Variants in GALNTL6 observed in about 807,000 individuals in gnomAD.
GALNTL6 encodes the protein polypeptide N-acetylgalactosaminyltransferase-like 6.
A neutral mutation model predicts 73.7 loss-of-function variants in GALNTL6; 46 were observed. The ratio of observed to expected loss-of-function variants is 0.62; its 90% confidence interval spans 0.49 to 0.80. The LOEUF is 0.80. Ranked by LOEUF, GALNTL6 falls within the 30% of genes least tolerant of loss-of-function variation. GALNTL6 has a pLI of 0.00. For missense variants in GALNTL6, 604 were observed against 755.0 expected (o/e 0.80, Z 2.34); for synonymous variants, 259 against 263.7 (o/e 0.98, Z 0.17).
intron 2 of GALNTL6, among the ~76,000 whole-genome samples, chr4:171,971,053 A>T (rs1252029565): frequency 6.6e-6 from 1 of 152,230 alleles, no homozygotes; most frequent in Non-Finnish European, 1.5e-5. Context: ...CATGGAGGAG[A>T]TGGCAATGTC....
intron 2 of GALNTL6, among the ~76,000 whole-genome samples, chr4:171,982,803 T>G (rs1739945092): frequency 6.6e-6 from 1 of 152,198 alleles, no homozygotes; most frequent in Non-Finnish European, 1.5e-5. Context: ...TCTTAGGACC[T>G]CATACTCACT....
chr4:172,045,487 A>AT (rs1040324526), intron 2 of GALNTL6, among the ~76,000 whole-genome samples: 7 of 152,010 alleles, frequency 4.6e-5, no homozygotes, highest in Admixed American at 6.6e-5. Flanking sequence ...ACATTTTGAG[A>AT]TTTTTTTAAA....
chr4:172,960,179 C>A (rs966002153), intron 10 of GALNTL6, among the ~76,000 whole-genome samples: 1 of 152,152 alleles, frequency 6.6e-6, no homozygotes, highest in African/African-American at 2.4e-5. Context: ...GGGTTGCTGC[C>A]AAACAAGCCA....
At chr4:172,565,397 C>T (rs1267857543) in intron 5 of GALNTL6, among the ~76,000 whole-genome samples, 2 of 152,126 alleles carry the variant, frequency 1.3e-5, no homozygotes, top group African/African-American at 2.4e-5. Context: ...TGATGTATCA[C>T]ATTACTCGAT....
At chr4:172,109,795 A>G (rs1449737321) in intron 2 of GALNTL6, among the ~76,000 whole-genome samples, 1 of 152,250 alleles carries the variant, frequency 6.6e-6, no homozygotes, top group African/African-American at 2.4e-5. Flanking sequence ...GGCCCAGCAC[A>G]AAAGGCCTCT....
chr4:172,072,319 T>C (rs763150272), intron 2 of GALNTL6, among the ~76,000 whole-genome samples: 1 of 152,182 alleles, frequency 6.6e-6, no homozygotes, highest in Non-Finnish European at 1.5e-5. Context: ...AAATTTTTAG[T>C]GACTAAGGTT....
intron 5 of GALNTL6, among the ~76,000 whole-genome samples, chr4:172,788,950 G>GA (rs1018106620): frequency 2.0e-5 from 3 of 152,078 alleles, no homozygotes; most frequent in Non-Finnish European, 4.4e-5. Flanking sequence ...ACACTGTATT[G>GA]AAAAAAATTA....
At chr4:172,086,434 A>G (rs1399059572) in intron 2 of GALNTL6, among the ~76,000 whole-genome samples, 1 of 152,110 alleles carries the variant, frequency 6.6e-6, no homozygotes, top group Non-Finnish European at 1.5e-5. Flanking sequence ...TTTGTTGTAT[A>G]TATATAATTA....
intron 3 of GALNTL6, among the ~76,000 whole-genome samples, chr4:172,299,875 C>A (rs1250575892): frequency 6.6e-6 from 1 of 152,160 alleles, no homozygotes; most frequent in Non-Finnish European, 1.5e-5. Context: ...CTGTAGATGT[C>A]TATTAGGTCC....
chr4:171,988,841 T>C (rs146756106), intron 2 of GALNTL6, among the ~76,000 whole-genome samples: 15,546 of 151,864 alleles, frequency 0.1, 921 homozygotes, highest in African/African-American at 0.16. Flanking sequence ...GATCGGTCGC[T>C]AAGGAGGGAG....
At position 171,932,188 on chromosome 4, in the gene GALNTL6, T is replaced by A. The variant is rs547189395; in HGVS notation, c.138+117470T>A. Among the ~76,000 whole-genome samples, 3 of 152,282 alleles carry A rather than the reference T, an allele frequency of 2.0e-5. No homozygotes were observed. In the East Asian group the frequency reaches 5.8e-4, roughly 29 times the overall value. On this transcript the variant is annotated intron_variant, in intron 2 of 12. Coordinates refer to ENST00000506823, the MANE Select transcript of GALNTL6 (RefSeq NM_001034845.3). Reference sequence around the variant, plus strand: ...TGTGAAAACTATAACTGCTTTCCAATAGCATAAATAGCATACACTCATACT... The same window carrying A: ...TGTGAAAACTATAACTGCTTTCCAAAAGCATAAATAGCATACACTCATACT...
Position 172,381,818 on chromosome 4 carries a change from T to C in GALNTL6, c.553+33129T>C, listed in dbSNP as rs542904534. On this transcript the variant is annotated intron_variant, in intron 5 of 12. Coordinates refer to ENST00000506823, the MANE Select transcript of GALNTL6 (RefSeq NM_001034845.3). ...TTAGGAGTCAAATTGCTGCAGTGTA[T>C]GGTATGAAGAAAATCATTTTATTTA... 8.6e-4 allele frequency among the ~76,000 whole-genome samples: 131 copies of C among 152,312 alleles called. 2 individuals carry two copies. Among genetic ancestry groups the C allele is most frequent in the African/African-American group, 3.1e-3 (128 of 41,580 alleles).
intron 2 of GALNTL6, among the ~76,000 whole-genome samples, chr4:172,011,935 C>T (rs1328508819): frequency 6.6e-6 from 1 of 151,968 alleles, no homozygotes; most frequent in African/African-American, 2.4e-5. Context: ...GACATATGCT[C>T]ATTTAATGGT....
intron 2 of GALNTL6, among the ~76,000 whole-genome samples, chr4:172,000,534 A>T (rs1043058766): frequency 3.9e-5 from 6 of 152,122 alleles, no homozygotes; most frequent in Admixed American, 1.3e-4. Context: ...GCAGTCTCAA[A>T]GCTTGCCGAA....
At chr4:172,223,683 A>G (rs1416406063) in intron 2 of GALNTL6, among the ~76,000 whole-genome samples, 1 of 152,130 alleles carries the variant, frequency 6.6e-6, no homozygotes, top group Non-Finnish European at 1.5e-5. Context: ...TTATTAATTC[A>G]TAAGATTTAA....
intron 5 of GALNTL6, among the ~76,000 whole-genome samples, chr4:172,457,575 A>G (rs1732445066): frequency 6.6e-6 from 1 of 152,218 alleles, no homozygotes; most frequent in African/African-American, 2.4e-5. Context: ...AGCCTCTGAT[A>G]AAACAGACTT....
intron 5 of GALNTL6, among the ~76,000 whole-genome samples, chr4:172,637,714 A>G (rs1303071215): frequency 6.6e-6 from 1 of 152,210 alleles, no homozygotes; most frequent in Non-Finnish European, 1.5e-5. Context: ...TTAATGATAA[A>G]TCAAAAAGCA....
intron 5 of GALNTL6, among the ~76,000 whole-genome samples, chr4:172,622,435 G>T (rs1184535332): frequency 6.6e-6 from 1 of 152,148 alleles, no homozygotes; most frequent in East Asian, 1.9e-4. Context: ...AAAAGACAAA[G>T]AGGTATTTTC....
At chr4:172,222,377 C>T (rs1333154876) in intron 2 of GALNTL6, among the ~76,000 whole-genome samples, 1 of 151,840 alleles carries the variant, frequency 6.6e-6, no homozygotes, top group Non-Finnish European at 1.5e-5. Flanking sequence ...GGTGTGAAAG[C>T]AACCTTTTCT....
Sources: gnomAD v4.1 joint callset for allele counts (sites outside exome capture counted in the v4.1 genomes callset) on GRCh38, gnomAD v4.1.1 for gene constraint, MANE v1.5 for transcripts, NCBI Gene and HGNC (gene_info 2026-07-23, HGNC 2026-07-21) for gene names.